Variants in PPP1R12B observed in about 807,000 individuals in gnomAD.
PPP1R12B encodes the protein protein phosphatase 1 regulatory subunit 12B.
Under a neutral mutation model 126.1 loss-of-function variants are expected in PPP1R12B, and 76 were observed. The ratio of observed to expected loss-of-function variants is 0.60; its 90% CI spans 0.50 to 0.73. The LOEUF is 0.73. Ranked by LOEUF, PPP1R12B falls within the 30% of genes least tolerant of loss-of-function variation. The pLI is 0.00. For synonymous variants in PPP1R12B, 356 were observed against 434.7 expected (o/e 0.82, Z 2.25); for missense variants, 1,052 against 1,205.1 (o/e 0.87, Z 1.88).
chr1:202,533,634 G>T (rs547214257), intron 18 of PPP1R12B, among the ~76,000 whole-genome samples: 6 of 152,146 alleles, frequency 3.9e-5, no homozygotes, highest in East Asian at 1.9e-4. Flanking sequence ...TGATATTTTT[G>T]AAGATAGCAG....
chr1:202,388,792 C>T (rs1455413496), intron 1 of PPP1R12B, among the ~76,000 whole-genome samples: 2 of 152,114 alleles, frequency 1.3e-5, no homozygotes, highest in Non-Finnish European at 2.9e-5. Context: ...ATTTGGCAAG[C>T]TCATCCTGAA....
At chr1:202,445,030 G>A in intron 12 of PPP1R12B, 1 of 1,247,164 alleles carries the variant, frequency 8.0e-7, no homozygotes, top group Non-Finnish European at 1.0e-6. Context: ...GAAAGTGACT[G>A]TGTGCTGTTT....
At chr1:202,418,897 G>T (rs976708792) in intron 2 of PPP1R12B, among the ~76,000 whole-genome samples, 3 of 152,036 alleles carry the variant, frequency 2.0e-5, no homozygotes, top group African/African-American at 7.2e-5. Flanking sequence ...AGATCAGTCC[G>T]TGATGATCTC....
intron 20 of PPP1R12B, among the ~76,000 whole-genome samples, chr1:202,563,240 C>T (rs1036323634): frequency 6.6e-6 from 1 of 152,154 alleles, no homozygotes; most frequent in African/African-American, 2.4e-5. Flanking sequence ...CCACAGCCTC[C>T]CACATAGCTA....
chr1:202,454,304 G>T (rs937805632), intron 13 of PPP1R12B, among the ~76,000 whole-genome samples: 5 of 152,140 alleles, frequency 3.3e-5, no homozygotes, highest in African/African-American at 1.2e-4. Flanking sequence ...AGTTGAATGT[G>T]GTACATCAAG....
chr1:202,412,251 C>A (rs544455320), intron 1 of PPP1R12B, among the ~76,000 whole-genome samples: 7 of 152,094 alleles, frequency 4.6e-5, no homozygotes, highest in Non-Finnish European at 1.0e-4. Flanking sequence ...GAGTTAATGA[C>A]CAGCCCTGGC....
intron 1 of PPP1R12B, among the ~76,000 whole-genome samples, chr1:202,358,574 C>A (rs1017991717): frequency 1.3e-5 from 2 of 151,486 alleles, no homozygotes. Context: ...CCCAGCTACT[C>A]GGGAGACTGA....
At chr1:202,455,942 G>A (rs991606259) in intron 13 of PPP1R12B, among the ~76,000 whole-genome samples, 7 of 152,094 alleles carry the variant, frequency 4.6e-5, no homozygotes, top group African/African-American at 1.7e-4. Context: ...ACAGTGGCTT[G>A]CACTGAGATA....
At chr1:202,479,341 A>G (rs1272342272) in intron 13 of PPP1R12B, among the ~76,000 whole-genome samples, 3 of 152,222 alleles carry the variant, frequency 2.0e-5, no homozygotes, top group Non-Finnish European at 4.4e-5. Context: ...GATAAATATA[A>G]GAAAAAAGTT....
At chr1:202,473,647 A>C (rs1221774386) in intron 13 of PPP1R12B, among the ~76,000 whole-genome samples, 1 of 152,264 alleles carries the variant, frequency 6.6e-6, no homozygotes, top group Admixed American at 6.5e-5. Flanking sequence ...TGTATAAAAC[A>C]TGCATCTAAT....
chr1:202,507,383 T>A (rs1428723778), intron 18 of PPP1R12B, among the ~76,000 whole-genome samples: 1 of 152,226 alleles, frequency 6.6e-6, no homozygotes, highest in African/African-American at 2.4e-5. Context: ...CATATTCTGT[T>A]ATTTTTAAAA....
At chr1:202,534,359 A>G (rs1177706184) in intron 18 of PPP1R12B, among the ~76,000 whole-genome samples, 1 of 152,218 alleles carries the variant, frequency 6.6e-6, no homozygotes, top group Non-Finnish European at 1.5e-5. Context: ...AGTGGCATTT[A>G]GAAACAATGA....
At chr1:202,555,325 GAAAAA>G (rs56752885) in intron 18 of PPP1R12B, among the ~76,000 whole-genome samples, 98 of 25,348 alleles carry the variant, frequency 3.9e-3, no homozygotes, top group Non-Finnish European at 5.2e-3. Flanking sequence ...CTGTTTTAAT[GAAAAA>G]AAAAAAAAAA....
intron 13 of PPP1R12B, among the ~76,000 whole-genome samples, chr1:202,472,632 G>A (rs1449397047): frequency 6.6e-6 from 1 of 152,178 alleles, no homozygotes; most frequent in Non-Finnish European, 1.5e-5. Flanking sequence ...TGTTCAGATG[G>A]AAAAGAATTC....
intron 18 of PPP1R12B, among the ~76,000 whole-genome samples, chr1:202,529,353 G>A (rs1316336224): frequency 6.7e-6 from 1 of 149,854 alleles, no homozygotes; most frequent in Non-Finnish European, 1.5e-5. Flanking sequence ...AGTATTTTTA[G>A]TAAACCCAGA....
At chr1:202,358,788 T>C (rs1172032442) in intron 1 of PPP1R12B, among the ~76,000 whole-genome samples, 1 of 152,236 alleles carries the variant, frequency 6.6e-6, no homozygotes, top group African/African-American at 2.4e-5. Context: ...AATAGGTTTA[T>C]ACAAAAATTT....
At chr1:202,423,850 A>AT (rs1669134568) in intron 3 of PPP1R12B, among the ~76,000 whole-genome samples, 1 of 151,896 alleles carries the variant, frequency 6.6e-6, no homozygotes, top group Admixed American at 6.6e-5. Context: ...TGCCTGGCTA[A>AT]TTTTTGTATT....
At chr1:202,461,446 G>A (rs1371730223) in intron 13 of PPP1R12B, among the ~76,000 whole-genome samples, 2 of 152,138 alleles carry the variant, frequency 1.3e-5, no homozygotes, top group African/African-American at 2.4e-5. Context: ...AAACAATTTA[G>A]AGATATATAT....
intron 1 of PPP1R12B, among the ~76,000 whole-genome samples, chr1:202,379,377 A>G (rs556822896): frequency 5.3e-5 from 8 of 152,326 alleles, no homozygotes; most frequent in South Asian, 4.1e-4. Context: ...CATTAGGTCT[A>G]TGGTAGGACC....
Sources: allele counts gnomAD v4.1 joint callset (sites outside exome capture counted in the v4.1 genomes callset), GRCh38; gene constraint gnomAD v4.1.1; transcripts MANE v1.5; gene names NCBI Gene and HGNC (gene_info 2026-07-23, HGNC 2026-07-21).